MCM2: variants seen among roughly 807,000 people sequenced by gnomAD.
MCM2 encodes DNA replication licensing factor MCM2.
A neutral mutation model predicts 86.4 loss-of-function variants in MCM2; 49 were observed. That is an observed-to-expected ratio of 0.57 (90% confidence interval 0.45 to 0.72). The LOEUF (loss-of-function observed/expected upper bound fraction) is 0.72, where lower values mean the gene tolerates loss of function less well. Ranked by LOEUF, MCM2 falls within the 30% of genes least tolerant of loss-of-function variation. The pLI, the probability that MCM2 is intolerant of heterozygous loss-of-function variation, is 0.00. For missense variants in MCM2, 1,038 were observed against 1,259.9 expected, an observed-to-expected ratio of 0.82 and a Z score of 2.67; for synonymous variants, 475 against 484.6, an observed-to-expected ratio of 0.98 and a Z score of 0.26.
Position 127,617,929 on chromosome 3 carries a change from GGGGAATC to G in MCM2, c.1901-39_1901-33del. ...CTGGGGTCCCTGAGATGGGAGGATA[GGGGAATC>G]CACCCTGATGGAGGTGCTCCCCTGT... On this transcript the variant is annotated intron_variant, in intron 11 of 15. Transcript: ENST00000265056. The surrounding 1 kb of genome is among the most constrained non-coding windows in gnomAD (Gnocchi z 4.1). 6.6e-7 allele frequency: 1 copy of G among 1,507,984 alleles called. No individual in the cohort carries two copies. Among genetic ancestry groups the G allele is most frequent in the Non-Finnish European group, 9.2e-7 (1 of 1,091,128 alleles). 93.4% of individuals were successfully genotyped at this position (1,507,984 alleles called of 1,614,324 possible). A position where few individuals can be genotyped will look rare whatever the true frequency, so the allele number is the denominator to read the frequency against.
chr3:127,619,323 G>A (rs1270790806), intron 13 of MCM2, 45 bp downstream of exon 13: 1 of 1,589,004 alleles, frequency 6.3e-7, no homozygotes. Context: ...AGAGAAGGAA[G>A]TGCAGTGTGA....
At chr3:127,608,252 C>T (rs2074364998) in intron 6 of MCM2, 130 bp from the exon 7 acceptor site, 1 of 1,148,882 alleles carries the variant, frequency 8.7e-7, no homozygotes, top group Non-Finnish European at 1.3e-6. Context: ...TGAACTCATT[C>T]CTTGCTGTCT....
chr3:127,613,082 A>G (rs965631429), intron 8 of MCM2, among the ~76,000 whole-genome samples: 1 of 152,130 alleles, frequency 6.6e-6, no homozygotes, highest in Non-Finnish European at 1.5e-5. Context: ...AGGCATTCAC[A>G]CATTTGCGCT....
chr3:127,605,186 C>T, intron 4 of MCM2, 30 bp downstream of exon 4: 2 of 1,601,312 alleles, frequency 1.2e-6, no homozygotes, highest in Non-Finnish European at 1.7e-6. Context: ...CCGCCTCAGC[C>T]CCTGTAGCGC....
Position 127,621,198 on chromosome 3 carries a change from T to C in MCM2, c.2574T>C (p.Ile858=), listed in dbSNP as rs1341285838. 1.9e-6 allele frequency: 3 copies of C among 1,614,158 alleles called. No homozygotes were observed. The South Asian group carries it at 3.3e-5, about 18-fold the overall frequency. The change falls in exon 15 of 16, where the codon ATT becomes ATC. Residue 858 remains isoleucine (I), a synonymous_variant. Coordinates refer to ENST00000265056, the MANE Select transcript of MCM2 (RefSeq NM_004526.4). ...RNRFGAQQDT[I]EVPEKDLVDK... ...GCTTTGGGGCCCAGCAGGACACTATTGAGGTCCCTGAGAAGGACTTGGTGG... is the reference window on the plus strand; with the variant it reads ...GCTTTGGGGCCCAGCAGGACACTATCGAGGTCCCTGAGAAGGACTTGGTGG...
intron 4 of MCM2, among the ~76,000 whole-genome samples, chr3:127,605,550 C>T (rs2074340826): frequency 1.3e-5 from 2 of 148,918 alleles, no homozygotes; most frequent in African/African-American, 5.0e-5. Flanking sequence ...AAGCGTTTCT[C>T]ATGCCTCAGC....
rs17538551 is a variant in MCM2 at position 127,610,530 on chromosome 3, C to T, written c.1428+1507C>T. On this transcript the variant is annotated intron_variant, in intron 8 of 15. Coordinates refer to ENST00000265056, the MANE Select transcript of MCM2 (RefSeq NM_004526.4). ...GGTTGCCCCTTCCTTTTCCTCCTCACGCATCACATTTACCCATGTCTGCCT... is the reference window on the plus strand; with the variant it reads ...GGTTGCCCCTTCCTTTTCCTCCTCATGCATCACATTTACCCATGTCTGCCT... 4.3e-3 allele frequency among the ~76,000 whole-genome samples: 660 copies of T among 152,296 alleles called. 11 individuals are homozygous for T. Among genetic ancestry groups the T allele is most frequent in the African/African-American group, 0.015 (622 of 41,564 alleles).
chr3:127,598,838 C>T, intron 1 of MCM2: 1 of 390,382 alleles, frequency 2.6e-6, no homozygotes, highest in Non-Finnish European at 4.6e-6. Context: ...CCAAACACTA[C>T]ACTTACTTTT....
chr3:127,616,758 G>A (rs1230334095), intron 9 of MCM2, 110 bp from the exon 10 acceptor site: 1 of 1,243,904 alleles, frequency 8.0e-7, no homozygotes, highest in Non-Finnish European at 1.1e-6. Context: ...GAGGGACTGT[G>A]CCTTACCATT....
intron 4 of MCM2, among the ~76,000 whole-genome samples, chr3:127,605,599 CCTGA>C (rs535337513): frequency 1.9e-3 from 283 of 151,734 alleles, no homozygotes; most frequent in Non-Finnish European, 3.4e-3. Flanking sequence ...CACCACCATG[CCTGA>C]CTAATTTTTT....
chr3:127,608,629 T>C (rs941373511), intron 7 of MCM2, 113 bp downstream of exon 7: 1 of 1,439,084 alleles, frequency 6.9e-7, no homozygotes, highest in Non-Finnish European at 9.5e-7. Flanking sequence ...CGGGCTAGGA[T>C]CTGTTTTTGC....
chr3:127,616,995 G>A lies in MCM2; in HGVS notation c.1650G>A (p.Gly550=). 2 of 1,614,176 alleles carry A rather than the reference G, an allele frequency of 1.2e-6. No homozygotes were observed. Among genetic ancestry groups the A allele is most frequent in the Non-Finnish European group, 1.7e-6 (2 of 1,180,050 alleles). ...SSRAIFTTGQ[G]ASAVGLTAYV... ...GAGCCATCTTCACCACTGGCCAGGG[G>A]GCGTCGGCTGTGGGCCTCACGGCGT... is the stretch of plus-strand genomic sequence containing the variant. The change falls in exon 10 of 16, where the codon GGG becomes GGA. Residue 550 remains glycine, a synonymous_variant. Coordinates refer to ENST00000265056, the MANE Select transcript of MCM2 (RefSeq NM_004526.4).
intron 8 of MCM2, chr3:127,611,002 T>C (rs1486955481): frequency 6.6e-6 from 3 of 455,762 alleles, no homozygotes; most frequent in South Asian, 3.1e-5. Flanking sequence ...AAGTCAGACA[T>C]GACCCTTGCC....
rs1238141946 is a variant in MCM2, at chr3:127,606,730, T to A, written c.1014T>A (p.Pro338=). Residue 338 remains proline (P), a synonymous_variant, in exon 6 of 16, where the codon CCT becomes CCA. Coordinates refer to ENST00000265056, the MANE Select transcript of MCM2 (RefSeq NM_004526.4). This position sits in a 1 kb window ranked among gnomAD's most constrained non-coding sequence, Gnocchi z 4.2. Reference sequence around the variant, plus strand: ...ACAAGTGCAATTTCGTCCTGGGTCCTTTCTGCCAGTCCCAGAACCAGGAGG... The same window carrying A: ...ACAAGTGCAATTTCGTCCTGGGTCCATTCTGCCAGTCCCAGAACCAGGAGG... ...NCNKCNFVLG[P]FCQSQNQEVK... 1 of 1,614,234 alleles carries A rather than the reference T, an allele frequency of 6.2e-7. No homozygotes were observed. The highest frequency in any genetic ancestry group is 2.2e-5 in the East Asian group (1 of 44,880).
At chr3:127,616,256 C>G (rs2074431493) in intron 9 of MCM2, among the ~76,000 whole-genome samples, 2 of 152,190 alleles carry the variant, frequency 1.3e-5, no homozygotes, top group Non-Finnish European at 2.9e-5. Context: ...GTTTTAAGTA[C>G]AAAAATACTA....
At position 127,621,768 on chromosome 3, in the gene MCM2, T is replaced by G; in HGVS notation, c.2710T>G (p.Phe904Val). 6.2e-7 allele frequency: 1 copy of G among 1,612,896 alleles called. No homozygotes were observed. Among genetic ancestry groups the G allele is most frequent in the Non-Finnish European group, 8.5e-7 (1 of 1,179,054 alleles). Residue 904 changes from phenylalanine to valine, a missense_variant, in exon 16 of 16, where the codon TTC becomes GTC. Physicochemically the swap from Phe to Val is conservative, Grantham distance 50. This residue lies in a region of MCM2 where 336 missense variants were observed against 425.7 expected (regional missense o/e 0.79). Coordinates refer to ENST00000265056, the MANE Select transcript of MCM2 (RefSeq NM_004526.4). ...DLKRKMILQQF is the reference protein window; with the variant it reads ...DLKRKMILQQV ...GAAAAGGAAAATGATCCTGCAGCAG[T>G]TCTGAGGCCCTATGCCATCCATAAG...
At chr3:127,613,654 C>G (rs747984077) in intron 8 of MCM2, among the ~76,000 whole-genome samples, 19 of 152,226 alleles carry the variant, frequency 1.2e-4, no homozygotes, top group Non-Finnish European at 2.5e-4. Context: ...CTCTGTGTTA[C>G]ATAAGGCCTG....
At position 127,620,680 on chromosome 3, in the gene MCM2, C is replaced by T. The variant is rs2074469478; in HGVS notation, c.2266-18C>T. The stretch of plus-strand genomic sequence containing the variant: ...TCTTTCCTGCCCGTGAAAGACCTGA[C>T]ACTGTGCTTCTCTCCAGGCGACAGG... On this transcript the variant is annotated intron_variant, in intron 13 of 15. Coordinates refer to ENST00000265056, the MANE Select transcript of MCM2 (RefSeq NM_004526.4). 3.2e-6 allele frequency: 5 copies of T among 1,571,090 alleles called. No individual in the cohort carries two copies. The highest frequency in any genetic ancestry group is 2.3e-5 in the South Asian group (2 of 86,248).
intron 13 of MCM2, among the ~76,000 whole-genome samples, chr3:127,619,554 C>T (rs941679425): frequency 1.3e-4 from 20 of 152,160 alleles, no homozygotes; most frequent in African/African-American, 4.3e-4. Flanking sequence ...TGGCACATGC[C>T]TGTAATCCCA....
Sources: gnomAD v4.1 joint callset for allele counts (sites outside exome capture counted in the v4.1 genomes callset) on GRCh38, gnomAD v4.1.1 for gene constraint, gnomAD v4.1.1 regional missense constraint, Gnocchi (gnomAD v3.1) non-coding constraint, MANE v1.5 for transcripts, NCBI Gene and HGNC (gene_info 2026-07-23, HGNC 2026-07-21) for gene names.